Variants in GUCA1C observed in about 807,000 individuals in gnomAD.
GUCA1C encodes guanylyl cyclase-activating protein 3.
GUCA1C carries 15 observed loss-of-function variants against 16.2 expected under a neutral mutation model. The observed-to-expected ratio is 0.93, with a 90% CI of 0.62 to 1.43. The LOEUF is 1.43. Ranked by LOEUF, GUCA1C falls within the 40% of genes most tolerant of loss-of-function variation. The pLI is 0.00. For missense variants in GUCA1C, 275 were observed against 244.8 expected (o/e 1.12, Z -0.82); for synonymous variants, 78 against 85.4 (o/e 0.91, Z 0.48).
In GUCA1C at chr3:108,909,558, G is replaced by A. The variant is rs557628310; in HGVS notation, c.443-1349C>T. ...TTATCGGGGCTCAGCATGACCAAGA[G>A]AGAAGTGGAAGTGGAGCTGGAGACA... On this transcript the variant is annotated intron_variant, in intron 3 of 3. Coordinates refer to ENST00000261047, the MANE Select transcript of GUCA1C (RefSeq NM_005459.4). Among the ~76,000 whole-genome samples the A allele has an allele frequency of 3.9e-5, 6 of 152,310 alleles. No individual in the cohort carries two copies. In the South Asian group the frequency reaches 1.2e-3, roughly 32 times the overall value.
chr3:108,928,984 G>C (rs908245844), intron 1 of GUCA1C, among the ~76,000 whole-genome samples: 16 of 152,114 alleles, frequency 1.1e-4, no homozygotes, highest in Non-Finnish European at 7.3e-5. Context: ...TAACTTGCTA[G>C]GATTTTGATT....
At chr3:108,939,476 G>A (rs1946763757) in intron 1 of GUCA1C, among the ~76,000 whole-genome samples, 1 of 151,356 alleles carries the variant, frequency 6.6e-6, no homozygotes, top group African/African-American at 2.4e-5. Context: ...ACAGGCGCCC[G>A]CCACCATGCC....
intron 1 of GUCA1C, among the ~76,000 whole-genome samples, chr3:108,935,466 A>T (rs1028146967): frequency 5.3e-5 from 8 of 152,066 alleles, no homozygotes; most frequent in Non-Finnish European, 1.0e-4. Context: ...CGAGGAAGGC[A>T]GATCATGAGG....
At position 108,919,874 on chromosome 3, in the gene GUCA1C, T is replaced by C. The variant is rs576328418; in HGVS notation, c.354+562A>G. 6.6e-5 allele frequency among the ~76,000 whole-genome samples: 10 copies of C among 152,216 alleles called. No homozygotes were observed. In the South Asian group the frequency reaches 2.1e-3, roughly 32 times the overall value. On this transcript the variant is annotated intron_variant, in intron 2 of 3. Transcript: ENST00000261047. ...TTAGGTATAGTGTCCTGCTTAACCA[T>C]TTTTTTACTCTGGGATCTTTGTTGT...
intron 1 of GUCA1C, among the ~76,000 whole-genome samples, chr3:108,934,732 T>C (rs1946705236): frequency 6.6e-6 from 1 of 150,934 alleles, no homozygotes; most frequent in Non-Finnish European, 1.5e-5. Context: ...TGGATGAAGC[T>C]GGAGGCCACT....
intron 2 of GUCA1C, among the ~76,000 whole-genome samples, chr3:108,918,031 C>G (rs1277798088): frequency 1.3e-5 from 2 of 151,970 alleles, no homozygotes; most frequent in Admixed American, 6.6e-5. Context: ...GGTGACAGAG[C>G]GAGACTCCGT....
At chr3:108,947,345 TGAG>T (rs1228047327) in intron 1 of GUCA1C, among the ~76,000 whole-genome samples, 1 of 151,990 alleles carries the variant, frequency 6.6e-6, no homozygotes, top group Non-Finnish European at 1.5e-5. Context: ...TTGAGTAGGC[TGAG>T]GAGGAGGAGG....
At chr3:108,951,517 CT>C in intron 1 of GUCA1C, among the ~76,000 whole-genome samples, 1 of 152,210 alleles carries the variant, frequency 6.6e-6, no homozygotes, top group Middle Eastern at 3.4e-3. Context: ...AATAGTAAAT[CT>C]TTGGGGATTC....
intron 3 of GUCA1C, among the ~76,000 whole-genome samples, chr3:108,914,620 G>A (rs1946488034): frequency 6.6e-6 from 1 of 152,084 alleles, no homozygotes; most frequent in African/African-American, 2.4e-5. Context: ...ATCTACTTCC[G>A]GAGTACTCAT....
chr3:108,939,713 CCT>C (rs1946766880), intron 1 of GUCA1C, among the ~76,000 whole-genome samples: 1 of 151,992 alleles, frequency 6.6e-6, no homozygotes, highest in Non-Finnish European at 1.5e-5. Flanking sequence ...CTCAGAATCC[CCT>C]TTCTTTATGT....
intron 1 of GUCA1C, among the ~76,000 whole-genome samples, chr3:108,934,294 T>C (rs1029786054): frequency 3.3e-5 from 5 of 152,174 alleles, no homozygotes; most frequent in Non-Finnish European, 7.3e-5. Flanking sequence ...TGTATACCTA[T>C]GTAACAAACC....
intron 1 of GUCA1C, among the ~76,000 whole-genome samples, chr3:108,948,236 G>A (rs995961928): frequency 2.6e-5 from 4 of 152,202 alleles, no homozygotes; most frequent in South Asian, 2.1e-4. Context: ...TCATGGGGGC[G>A]GTTCTCCCCT....
upstream of GUCA1C, chr3:108,954,033 T>G: frequency 2.2e-6 from 1 of 453,932 alleles, no homozygotes; most frequent in Non-Finnish European, 4.0e-6. Context: ...CACGCAATAT[T>G]TTAGAGAGGG....
intron 1 of GUCA1C, among the ~76,000 whole-genome samples, chr3:108,948,657 T>C (rs1046185455): frequency 1.6e-4 from 24 of 152,218 alleles, no homozygotes; most frequent in Non-Finnish European, 8.8e-5. Flanking sequence ...TTTCCACTTT[T>C]AGCTTCTGGT....
At chr3:108,912,122 A>AATAATAATAATAATAATC (rs762101057) in intron 3 of GUCA1C, among the ~76,000 whole-genome samples, 114 of 147,724 alleles carry the variant, frequency 7.7e-4, no homozygotes, top group Non-Finnish European at 1.3e-3. Flanking sequence ...TAATAATAAT[A>AATAATAATAATAATAATC]ATCACCCTTT....
intron 1 of GUCA1C, among the ~76,000 whole-genome samples, chr3:108,920,881 C>T (rs75457841): frequency 6.6e-6 from 1 of 152,134 alleles, no homozygotes; most frequent in Non-Finnish European, 1.5e-5. Flanking sequence ...CGTCCCCACA[C>T]ATGCATAGCC....
chr3:108,937,714 G>A (rs993967271), intron 1 of GUCA1C, among the ~76,000 whole-genome samples: 4 of 152,306 alleles, frequency 2.6e-5, no homozygotes, highest in South Asian at 4.1e-4. Context: ...TTAACAAAGA[G>A]TTCTAATAAG....
chr3:108,940,156 C>T (rs1011381641), intron 1 of GUCA1C, among the ~76,000 whole-genome samples: 5 of 152,180 alleles, frequency 3.3e-5, no homozygotes, highest in African/African-American at 1.2e-4. Context: ...CAAATGCTTC[C>T]TGAGAGCTTC....
At chr3:108,933,011 C>A (rs1463681064) in intron 1 of GUCA1C, among the ~76,000 whole-genome samples, 3 of 149,400 alleles carry the variant, frequency 2.0e-5, no homozygotes, top group Non-Finnish European at 4.4e-5. Flanking sequence ...TTCTGGAATA[C>A]ATATGAGTTG....
Sources: gnomAD v4.1 joint callset for allele counts (sites outside exome capture counted in the v4.1 genomes callset) on GRCh38, gnomAD v4.1.1 for gene constraint, MANE v1.5 for transcripts, NCBI Gene and HGNC (gene_info 2026-07-23, HGNC 2026-07-21) for gene names.